MAP3K3: variants seen among roughly 807,000 people sequenced by gnomAD.
MAP3K3 encodes the protein MAP/ERK kinase kinase 3.
In MAP3K3, 12 loss-of-function variants were observed where a neutral mutation model predicts 80.9. The ratio of observed to expected loss-of-function variants is 0.15; its 90% CI spans 0.10 to 0.24. The LOEUF (loss-of-function observed/expected upper bound fraction) is 0.24, where lower values mean the gene tolerates loss of function less well. Among genes scored for constraint, MAP3K3 ranks in the 10% least tolerant of loss-of-function variants. The pLI, the probability that MAP3K3 is intolerant of heterozygous loss-of-function variation, is 1.00. For missense variants in MAP3K3, 596 were observed against 834.7 expected, an observed-to-expected ratio of 0.71 and a Z score of 3.52; for synonymous variants, 272 against 307.1, an observed-to-expected ratio of 0.89 and a Z score of 1.19.
At chr17:63,635,688 G>A (rs761423168) in intron 2 of MAP3K3, among the ~76,000 whole-genome samples, 1 of 152,016 alleles carries the variant, frequency 6.6e-6, no homozygotes, top group Non-Finnish European at 1.5e-5. Flanking sequence ...ATTTAACATC[G>A]GATTTTATAA....
chr17:63,657,705 A>G lies in MAP3K3; in HGVS notation c.268-89A>G, dbSNP rs1228772358. The G allele has an allele frequency of 6.9e-6, 4 of 580,366 alleles. No homozygotes were observed. In the East Asian group the frequency reaches 8.9e-5, roughly 13 times the overall value. 36.0% of individuals were successfully genotyped at this position (580,366 alleles called of 1,614,324 possible). A position where few individuals can be genotyped will look rare whatever the true frequency, so the allele number is the denominator to read the frequency against. ...ATTGTTTTCCTCCAAATGTATTTTT[A>G]TTTTTTGTTTATTTTATTTCTGCAA... is the stretch of plus-strand genomic sequence containing the variant. On this transcript the variant is annotated intron_variant, in intron 4 of 15. Coordinates refer to ENST00000361733, the MANE Select transcript of MAP3K3 (RefSeq NM_002401.5).
chr17:63,679,042 A>G (rs757627239), intron 6 of MAP3K3, among the ~76,000 whole-genome samples: 4 of 152,162 alleles, frequency 2.6e-5, no homozygotes, highest in Non-Finnish European at 5.9e-5. Flanking sequence ...AAAAAGAGTC[A>G]GTGTCAGTTT....
chr17:63,648,111 C>G (rs1183174490), intron 3 of MAP3K3, among the ~76,000 whole-genome samples: 1 of 152,200 alleles, frequency 6.6e-6, no homozygotes, highest in Non-Finnish European at 1.5e-5. Context: ...GGGTGTTAGA[C>G]CTCTCTTTGA....
In MAP3K3 at chr17:63,694,874, CT is replaced by C; in HGVS notation, c.*1099del. ...TTCCTCAGCCAGCCTCGCCCATCCC[CT>C]TGAGGTCTCAGCCCCTTTCCCTTGT... is the stretch of plus-strand genomic sequence containing the variant. On this transcript the variant is annotated 3_prime_UTR_variant, in exon 16 of 16. Transcript: ENST00000361733. 1 of 154,252 alleles carries C rather than the reference CT, an allele frequency of 6.5e-6. No individual in the cohort carries two copies. Among genetic ancestry groups the C allele is most frequent in the East Asian group, 1.9e-4 (1 of 5,246 alleles). The allele number at this position is 154,252 out of a possible 1,614,324, so 9.6% of individuals were successfully genotyped here.
chr17:63,652,706 T>C, intron 4 of MAP3K3, 50 bp downstream of exon 4: 2 of 1,210,196 alleles, frequency 1.7e-6, no homozygotes, highest in Non-Finnish European at 2.4e-6. Context: ...GATGCCTACC[T>C]TTTTTCTCTC....
intron 2 of MAP3K3, chr17:63,637,172 T>C (rs2034345549): frequency 4.2e-6 from 1 of 239,208 alleles, no homozygotes; most frequent in East Asian, 8.9e-5. Flanking sequence ...GCCCTGCCAC[T>C]ATTAAAAACT....
intron 6 of MAP3K3, among the ~76,000 whole-genome samples, chr17:63,671,875 TAG>T (rs1339589952): frequency 6.6e-6 from 1 of 152,086 alleles, no homozygotes; most frequent in Non-Finnish European, 1.5e-5. Flanking sequence ...AGAATTACTA[TAG>T]TATTGGATTG....
chr17:63,692,861 C>A lies in MAP3K3; in HGVS notation c.1652+442C>A, dbSNP rs1487310519. Among the ~76,000 whole-genome samples the A allele has an allele frequency of 6.6e-6, 1 of 152,196 alleles. No individual in the cohort carries two copies. The highest frequency in any genetic ancestry group is 2.4e-5 in the African/African-American group (1 of 41,444). On this transcript the variant is annotated intron_variant, in intron 15 of 15. Transcript: ENST00000361733. The surrounding 1 kb of genome is among the most constrained non-coding windows in gnomAD (Gnocchi z 4.5). ...TATTGTGGTGGGCTGAATAATGGCCCCCCCAAAGATGTCCACTGCCTAATC... is the reference window on the plus strand; with the variant it reads ...TATTGTGGTGGGCTGAATAATGGCCACCCCAAAGATGTCCACTGCCTAATC...
At chr17:63,645,377 G>C (rs1333833589) in intron 2 of MAP3K3, among the ~76,000 whole-genome samples, 1 of 152,178 alleles carries the variant, frequency 6.6e-6, no homozygotes, top group East Asian at 1.9e-4. Flanking sequence ...TGGTCATTTT[G>C]GAAAAGGCTG....
At chr17:63,645,949 A>G in intron 2 of MAP3K3, 85 bp from the exon 3 acceptor site, 1 of 1,063,060 alleles carries the variant, frequency 9.4e-7, no homozygotes, top group South Asian at 1.3e-5. Flanking sequence ...AATGTTGCTA[A>G]CGAACTGCCC....
intron 8 of MAP3K3, among the ~76,000 whole-genome samples, chr17:63,687,210 G>GAA (rs58633694): frequency 0.28 from 36,778 of 130,154 alleles, 5,120 homozygotes; most frequent in Middle Eastern, 0.39. Flanking sequence ...TACTAAAAAT[G>GAA]AAAAAAAAAA....
intron 3 of MAP3K3, among the ~76,000 whole-genome samples, chr17:63,647,165 A>G (rs371230077): frequency 6.6e-6 from 1 of 152,174 alleles, no homozygotes; most frequent in Non-Finnish European, 1.5e-5. Flanking sequence ...CAAGCCTACA[A>G]GGTTGTCAGA....
At position 63,689,659 on chromosome 17, in the gene MAP3K3, G is replaced by A. The variant is rs1451127398; in HGVS notation, c.987G>A (p.Leu329=). 8 of 1,613,824 alleles carry A rather than the reference G, an allele frequency of 5.0e-6. No individual in the cohort carries two copies. The highest frequency in any genetic ancestry group is 6.8e-6 in the Non-Finnish European group (8 of 1,179,964). ...GENMGLAVQY[L]DPRGRLRSAD... ...ACATGGGTCTGGCTGTGCAATACCTGGACCCCCGTGGGCGCCTGCGGAGTG... is the reference window on the plus strand; with the variant it reads ...ACATGGGTCTGGCTGTGCAATACCTAGACCCCCGTGGGCGCCTGCGGAGTG... Residue 329 remains leucine, a synonymous_variant, in exon 11 of 16, where the codon CTG becomes CTA. Transcript: ENST00000361733. This position sits in a 1 kb window ranked among gnomAD's most constrained non-coding sequence, Gnocchi z 4.3.
intron 5 of MAP3K3, among the ~76,000 whole-genome samples, chr17:63,660,209 CT>C (rs199864426): frequency 1.3e-5 from 2 of 150,688 alleles, no homozygotes; most frequent in Admixed American, 1.3e-4. Context: ...CTTTATTTCC[CT>C]TTTTTTTTGA....
At chr17:63,673,924 A>T (rs569457392) in intron 6 of MAP3K3, among the ~76,000 whole-genome samples, 1 of 152,202 alleles carries the variant, frequency 6.6e-6, no homozygotes, top group South Asian at 2.1e-4. Flanking sequence ...TAAAAAATAA[A>T]TAAAAATTAT....
At chr17:63,679,842 A>G (rs1372007359) in intron 6 of MAP3K3, among the ~76,000 whole-genome samples, 3 of 152,210 alleles carry the variant, frequency 2.0e-5, no homozygotes, top group Non-Finnish European at 4.4e-5. Flanking sequence ...ACACACATAC[A>G]TAAAACTAAA....
chr17:63,628,259 C>T (rs977248542), intron 1 of MAP3K3, among the ~76,000 whole-genome samples: 1 of 151,926 alleles, frequency 6.6e-6, no homozygotes, highest in Non-Finnish European at 1.5e-5. Flanking sequence ...TAAAATCATC[C>T]ATATAACCTC....
rs1451200399 is a variant in MAP3K3, at chr17:63,694,544, G to C, written c.*767G>C. On this transcript the variant is annotated 3_prime_UTR_variant, in exon 16 of 16. Coordinates refer to ENST00000361733, the MANE Select transcript of MAP3K3 (RefSeq NM_002401.5). Reference sequence around the variant, plus strand: ...TGCTGTACCCAGTTTCTAAACTGGAGACTGTGTGTGCCCTCTGGGCTCTGA... The same window carrying C: ...TGCTGTACCCAGTTTCTAAACTGGACACTGTGTGTGCCCTCTGGGCTCTGA... 6.5e-6 allele frequency: 1 copy of C among 152,722 alleles called. No individual in the cohort carries two copies. The highest frequency in any genetic ancestry group is 1.5e-5 in the Non-Finnish European group (1 of 68,076). The allele number at this position is 152,722 out of a possible 1,614,324, so 9.5% of individuals were successfully genotyped here.
intron 3 of MAP3K3, 51 bp downstream of exon 3, chr17:63,646,125 A>AATGCTATCT: frequency 6.5e-7 from 1 of 1,538,948 alleles, no homozygotes; most frequent in Non-Finnish European, 9.0e-7. Flanking sequence ...CAAAGTTCTC[A>AATGCTATCT]GATAGCATTG....
Sources: gnomAD v4.1 joint callset for allele counts (sites outside exome capture counted in the v4.1 genomes callset) on GRCh38, gnomAD v4.1.1 for gene constraint, Gnocchi (gnomAD v3.1) non-coding constraint, MANE v1.5 for transcripts, NCBI Gene and HGNC (gene_info 2026-07-23, HGNC 2026-07-21) for gene names.